The following IGSF11 variants were observed in gnomAD, a reference collection of about 807,000 sequenced individuals.
The protein encoded by IGSF11 is CXADR like 1.
In IGSF11, 22 loss-of-function variants were observed where a neutral mutation model predicts 41.0. The ratio of observed to expected loss-of-function variants is 0.54; its 90% CI spans 0.38 to 0.77. IGSF11 has a LOEUF of 0.77. Ranked by LOEUF, IGSF11 falls within the 30% of genes least tolerant of loss-of-function variation. IGSF11 has a pLI of 0.00. For missense variants in IGSF11, 444 were observed against 530.8 expected, an observed-to-expected ratio of 0.84 and a Z score of 1.61; for synonymous variants, 219 against 201.3, an observed-to-expected ratio of 1.09 and a Z score of -0.74.
chr3:118,965,568 A>T (rs1016783763), intron 1 of IGSF11, among the ~76,000 whole-genome samples: 3 of 152,078 alleles, frequency 2.0e-5, no homozygotes, highest in African/African-American at 7.2e-5. Context: ...CTTGAGGAAA[A>T]CTAGTTCCAA....
chr3:119,022,481 G>A (rs979812304), intron 1 of IGSF11, among the ~76,000 whole-genome samples: 1 of 152,092 alleles, frequency 6.6e-6, no homozygotes, highest in Non-Finnish European at 1.5e-5. Flanking sequence ...AAAATGATTG[G>A]ACTGTATACT....
upstream of IGSF11, among the ~76,000 whole-genome samples, chr3:119,037,689 C>G (rs147757066): frequency 1.4e-3 from 210 of 152,282 alleles, 1 homozygote; most frequent in African/African-American, 4.5e-3. Flanking sequence ...GCAGGCTCTC[C>G]TCAACCCATC....
chr3:119,068,710 C>T (rs983330277), intron 1 of IGSF11, among the ~76,000 whole-genome samples: 13 of 152,166 alleles, frequency 8.5e-5, no homozygotes, highest in African/African-American at 2.9e-4. Flanking sequence ...TGCCAAACTG[C>T]TTTTGAGGAC....
At chr3:119,142,556 A>T (rs2107551086) in intron 1 of IGSF11, among the ~76,000 whole-genome samples, 1 of 152,298 alleles carries the variant, frequency 6.6e-6, no homozygotes, top group African/African-American at 2.4e-5. Context: ...CAGCCTGAAG[A>T]AAAGGAAGAA....
At chr3:119,119,776 G>A (rs79277197) in intron 1 of IGSF11, among the ~76,000 whole-genome samples, 488 of 152,242 alleles carry the variant, frequency 3.2e-3, no homozygotes, top group Non-Finnish European at 5.2e-3. Flanking sequence ...GGGGAGGGGG[G>A]TTATCCTCAG....
chr3:119,101,888 T>C (rs561976795), intron 1 of IGSF11, among the ~76,000 whole-genome samples: 11 of 152,248 alleles, frequency 7.2e-5, no homozygotes, highest in Non-Finnish European at 1.5e-4. Context: ...CTCCAGCATC[T>C]AATGTTAGTG....
At chr3:119,046,270 T>A (rs1038513206) in intron 1 of IGSF11, among the ~76,000 whole-genome samples, 1 of 149,278 alleles carries the variant, frequency 6.7e-6, no homozygotes, top group Non-Finnish European at 1.5e-5. Flanking sequence ...AATGTATAAC[T>A]AGGATAACCA....
intron 1 of IGSF11, among the ~76,000 whole-genome samples, chr3:119,025,437 G>A (rs1391957728): frequency 6.7e-6 from 1 of 148,204 alleles, no homozygotes; most frequent in Non-Finnish European, 1.5e-5. Context: ...CCTTGTAACA[G>A]TAACTGCCAC....
chr3:119,045,402 G>A lies in IGSF11; in HGVS notation c.49+59742C>T, dbSNP rs376612041. 2.2e-3 allele frequency among the ~76,000 whole-genome samples: 339 copies of A among 152,332 alleles called. 1 individual carries two copies. Among genetic ancestry groups the A allele is most frequent in the African/African-American group, 7.9e-3 (328 of 41,578 alleles). On this transcript the variant is annotated intron_variant, in intron 1 of 6. Coordinates refer to the IGSF11 transcript ENST00000354673. Reference sequence around the variant, plus strand: ...GGTGACGAACGGCACCTGGAAAATCGGGTCACTCCCACCCGAATACTGCGC... The same window carrying A: ...GGTGACGAACGGCACCTGGAAAATCAGGTCACTCCCACCCGAATACTGCGC...
At chr3:118,965,375 G>A (rs955304797) in intron 1 of IGSF11, among the ~76,000 whole-genome samples, 5 of 151,940 alleles carry the variant, frequency 3.3e-5, no homozygotes, top group African/African-American at 1.2e-4. Context: ...AAAGTAAGAA[G>A]CAATGAAAAG....
At chr3:118,994,048 T>C (rs1218282726) in intron 1 of IGSF11, among the ~76,000 whole-genome samples, 1 of 152,232 alleles carries the variant, frequency 6.6e-6, no homozygotes, top group South Asian at 2.1e-4. Context: ...TAGTTTTGCA[T>C]TGTGCCAAAC....
chr3:119,134,542 C>T (rs970916961), intron 1 of IGSF11, among the ~76,000 whole-genome samples: 1 of 152,098 alleles, frequency 6.6e-6, no homozygotes, highest in South Asian at 2.1e-4. Flanking sequence ...GAACTACAAA[C>T]CACTGCTCAA....
intron 1 of IGSF11, among the ~76,000 whole-genome samples, chr3:118,935,397 TAC>T (rs1325824905): frequency 1.0e-5 from 1 of 99,914 alleles, no homozygotes; most frequent in East Asian, 3.3e-4. Context: ...CACACACACA[TAC>T]ACACACACAT....
intron 1 of IGSF11, among the ~76,000 whole-genome samples, chr3:118,993,313 A>G (rs760745322): frequency 6.6e-6 from 1 of 152,236 alleles, no homozygotes; most frequent in Non-Finnish European, 1.5e-5. Flanking sequence ...GCAAAACTAC[A>G]AGATACTATT....
At chr3:118,953,697 G>A (rs781417344) in intron 1 of IGSF11, among the ~76,000 whole-genome samples, 10 of 152,062 alleles carry the variant, frequency 6.6e-5, no homozygotes, top group Non-Finnish European at 1.0e-4. Flanking sequence ...CCACTTGTAT[G>A]TCTTCTTTGG....
intron 1 of IGSF11, among the ~76,000 whole-genome samples, chr3:119,046,372 T>A (rs1941353231): frequency 6.6e-6 from 1 of 151,996 alleles, no homozygotes; most frequent in Non-Finnish European, 1.5e-5. Flanking sequence ...GCTGATGCAA[T>A]CAACTGGAAG....
intron 1 of IGSF11, among the ~76,000 whole-genome samples, chr3:118,992,540 A>G (rs146477501): frequency 3.0e-4 from 46 of 152,362 alleles, no homozygotes; most frequent in Admixed American, 1.3e-3. Context: ...AGCAGGGCAC[A>G]TAATCACCAA....
chr3:119,047,308 C>G lies in IGSF11; in HGVS notation c.49+57836G>C, dbSNP rs1026284848. ...AATAAAAGGATGGAGGAAGATCTAC[C>G]AAGCAAATGGAAAACTAAAAAAGGC... On this transcript the variant is annotated intron_variant, in intron 1 of 6. Transcript: ENST00000354673. Among the ~76,000 whole-genome samples, 3 of 152,132 alleles carry G rather than the reference C, an allele frequency of 2.0e-5. No individual in the cohort carries two copies. In the East Asian group the frequency reaches 5.8e-4, roughly 29 times the overall value.
At chr3:118,964,676 T>C (rs1307808003) in intron 1 of IGSF11, among the ~76,000 whole-genome samples, 1 of 152,152 alleles carries the variant, frequency 6.6e-6, no homozygotes, top group Non-Finnish European at 1.5e-5. Flanking sequence ...ACTTCTAAAG[T>C]ACTTAATTCA....
Sources: allele counts gnomAD v4.1 joint callset (sites outside exome capture counted in the v4.1 genomes callset), GRCh38; gene constraint gnomAD v4.1.1; transcripts MANE v1.5; gene names NCBI Gene and HGNC (gene_info 2026-07-23, HGNC 2026-07-21).